ADAM12: variants seen among roughly 807,000 people sequenced by gnomAD.
The protein encoded by ADAM12 is ADAM metallopeptidase domain 12.
A neutral mutation model predicts 106.4 loss-of-function variants in ADAM12; 70 were observed. That is an observed-to-expected ratio of 0.66 (90% confidence interval 0.54 to 0.80). The LOEUF is 0.80. Ranked by LOEUF, ADAM12 falls within the 30% of genes least tolerant of loss-of-function variation. ADAM12 has a pLI of 0.00. For missense variants in ADAM12, 1,010 were observed against 1,171.9 expected (o/e 0.86, Z 2.02); for synonymous variants, 420 against 433.5 (o/e 0.97, Z 0.39).
rs1336082939 is a variant in ADAM12 at position 126,109,858 on chromosome 10, G to A, written c.604-18C>T. 1 of 1,609,506 alleles carries A rather than the reference G, an allele frequency of 6.2e-7. No individual in the cohort carries two copies. Among genetic ancestry groups the A allele is most frequent in the Non-Finnish European group, 8.5e-7 (1 of 1,177,842 alleles). ...CTTTTATGCTGCCAAGAGTAAACAT[G>A]CACTTAATCTCTCTTAATGCCTCTC... is the stretch of plus-strand genomic sequence containing the variant. On this transcript the variant is annotated intron_variant, in intron 6 of 22. Coordinates refer to ENST00000448723, the MANE Select transcript of ADAM12 (RefSeq NM_001288973.2).
intron 1 of ADAM12, among the ~76,000 whole-genome samples, chr10:126,385,908 A>T (rs959620026): frequency 1.3e-5 from 2 of 152,194 alleles, no homozygotes; most frequent in African/African-American, 4.8e-5. Context: ...ATTGTGGAGG[A>T]AAATATACCA....
At chr10:126,243,846 G>A (rs931854325) in intron 3 of ADAM12, among the ~76,000 whole-genome samples, 1 of 152,190 alleles carries the variant, frequency 6.6e-6, no homozygotes, top group Non-Finnish European at 1.5e-5. Context: ...ATTGTCGTGG[G>A]ATGGCACAGA....
intron 21 of ADAM12, among the ~76,000 whole-genome samples, chr10:126,034,268 T>C (rs1224100597): frequency 6.6e-6 from 1 of 151,754 alleles, no homozygotes; most frequent in Non-Finnish European, 1.5e-5. Context: ...TTTGGAAACA[T>C]AATTACACAT....
chr10:126,018,886 G>A (rs1004883575), intron 22 of ADAM12, among the ~76,000 whole-genome samples: 2 of 152,216 alleles, frequency 1.3e-5, no homozygotes, highest in East Asian at 1.9e-4. Flanking sequence ...TGCTCCAGCC[G>A]TATGCCTCCA....
Position 126,013,317 on chromosome 10 carries a change from A to AG in ADAM12, c.*3961dup, listed in dbSNP as rs1953601727. The AG allele has an allele frequency of 1.3e-5, 2 of 152,316 alleles. No individual in the cohort carries two copies. The highest frequency in any genetic ancestry group is 4.8e-5 in the African/African-American group (2 of 41,574). The allele number at this position is 152,316 out of a possible 1,614,324, so 9.4% of individuals were successfully genotyped here. A position where few individuals can be genotyped will look rare whatever the true frequency, so the allele number is the denominator to read the frequency against. ...GCATGGGGCTCCCAAACTTTCTTAG[A>AG]GTGTCATTTGTTTTAGTATCAGAGT... On this transcript the variant is annotated 3_prime_UTR_variant, in exon 23 of 23. Transcript: ENST00000448723. The surrounding 1 kb of genome is among the most constrained non-coding windows in gnomAD (Gnocchi z 4.3).
chr10:126,141,859 A>G (rs953811668), intron 4 of ADAM12, among the ~76,000 whole-genome samples: 3 of 152,242 alleles, frequency 2.0e-5, no homozygotes, highest in Non-Finnish European at 2.9e-5. Flanking sequence ...TCCTTGCCCT[A>G]TGCAATGAGC....
chr10:126,166,535 A>G (rs1219901362), intron 3 of ADAM12, among the ~76,000 whole-genome samples: 1 of 151,368 alleles, frequency 6.6e-6, no homozygotes, highest in Non-Finnish European at 1.5e-5. Context: ...GTCTCGTTTT[A>G]TCACCAGGCT....
chr10:126,166,009 C>A (rs2133752136), intron 3 of ADAM12, among the ~76,000 whole-genome samples: 1 of 152,312 alleles, frequency 6.6e-6, no homozygotes, highest in Non-Finnish European at 1.5e-5. Flanking sequence ...AAAAAGCTTC[C>A]TTTGCCCAGC....
At chr10:126,144,654 G>A (rs553090674) in intron 4 of ADAM12, among the ~76,000 whole-genome samples, 71 of 152,248 alleles carry the variant, frequency 4.7e-4, no homozygotes, top group African/African-American at 1.2e-3. Flanking sequence ...AAGACCTATA[G>A]GGCCATTTGC....
At chr10:126,019,671 A>T (rs1953724781) in intron 22 of ADAM12, 24 bp downstream of exon 22, 1 of 1,607,094 alleles carries the variant, frequency 6.2e-7, no homozygotes, top group Admixed American at 1.7e-5. Context: ...AGAGAAAGAG[A>T]TGGGCATGGC....
chr10:126,046,043 C>T lies in ADAM12; in HGVS notation c.1995+12G>A, dbSNP rs761584550. 2.5e-6 allele frequency: 4 copies of T among 1,612,614 alleles called. No individual in the cohort carries two copies. In the African/African-American group the frequency reaches 5.3e-5, roughly 22 times the overall value. ...ATGGGCTGGCTGTAAAAGGGCAGCT[C>T]AGCCTACTCACCCCTCTGCCGTGGC... On this transcript the variant is annotated intron_variant, in intron 17 of 22. Coordinates refer to ENST00000448723, the MANE Select transcript of ADAM12 (RefSeq NM_001288973.2).
chr10:126,242,939 G>A (rs1310866940), intron 3 of ADAM12, among the ~76,000 whole-genome samples: 1 of 152,200 alleles, frequency 6.6e-6, no homozygotes, highest in Non-Finnish European at 1.5e-5. Context: ...ACTGTCCCCT[G>A]AAAGGGATAT....
At chr10:126,322,491 C>T (rs528099123) in intron 2 of ADAM12, among the ~76,000 whole-genome samples, 1 of 152,184 alleles carries the variant, frequency 6.6e-6, no homozygotes, top group Non-Finnish European at 1.5e-5. Flanking sequence ...TGGCATCAGT[C>T]AGGTGTATCA....
At chr10:126,301,667 C>T (rs1960631125) in intron 2 of ADAM12, among the ~76,000 whole-genome samples, 1 of 151,984 alleles carries the variant, frequency 6.6e-6, no homozygotes. Flanking sequence ...TAGGATGTGA[C>T]CAGCTGGTAA....
chr10:126,164,974 C>A (rs557857678), intron 3 of ADAM12, among the ~76,000 whole-genome samples: 2 of 152,196 alleles, frequency 1.3e-5, no homozygotes, highest in African/African-American at 4.8e-5. Flanking sequence ...AGAACCTTGT[C>A]TTTGCAAATA....
chr10:126,378,568 G>T (rs958095490), intron 1 of ADAM12, among the ~76,000 whole-genome samples: 1 of 152,150 alleles, frequency 6.6e-6, no homozygotes. Flanking sequence ...TTGATTAGGG[G>T]TATGTGTGTG....
chr10:126,381,648 A>T (rs1856496779), intron 1 of ADAM12, among the ~76,000 whole-genome samples: 2 of 151,938 alleles, frequency 1.3e-5, no homozygotes, highest in Admixed American at 1.3e-4. Flanking sequence ...GGTGCCTGAC[A>T]CCATCCCTGG....
At chr10:126,160,148 A>C (rs1328446828) in intron 3 of ADAM12, among the ~76,000 whole-genome samples, 1 of 152,198 alleles carries the variant, frequency 6.6e-6, no homozygotes, top group Non-Finnish European at 1.5e-5. Flanking sequence ...GGAAGACAGG[A>C]ACAGGAGGAA....
At chr10:126,235,660 T>G in intron 3 of ADAM12, among the ~76,000 whole-genome samples, 1 of 152,206 alleles carries the variant, frequency 6.6e-6, no homozygotes, top group Non-Finnish European at 1.5e-5. Context: ...TGTCTCCTTC[T>G]CCAGCCTCCT....
Sources: gnomAD v4.1 joint callset for allele counts (sites outside exome capture counted in the v4.1 genomes callset) on GRCh38, gnomAD v4.1.1 for gene constraint, Gnocchi (gnomAD v3.1) non-coding constraint, MANE v1.5 for transcripts, NCBI Gene and HGNC (gene_info 2026-07-23, HGNC 2026-07-21) for gene names.